The following TSEN2 variants were observed in gnomAD, a reference collection of about 807,000 sequenced individuals.
TSEN2 encodes the protein tRNA splicing endonuclease subunit 2.
A neutral mutation model predicts 59.2 loss-of-function variants in TSEN2; 54 were observed. The observed-to-expected ratio is 0.91, with a 90% CI of 0.73 to 1.14. The LOEUF (loss-of-function observed/expected upper bound fraction) is 1.14, where lower values mean the gene tolerates loss of function less well. Ranked by LOEUF, TSEN2 falls within the 50% of genes most tolerant of loss-of-function variation. The probability of loss-of-function intolerance (pLI) is 0.00; values close to 1 mark genes in which losing one functional copy is unlikely to be tolerated. For missense variants in TSEN2, 636 were observed against 576.2 expected, an observed-to-expected ratio of 1.10 and a Z score of -1.06; for synonymous variants, 195 against 198.2, an observed-to-expected ratio of 0.98 and a Z score of 0.14.
Position 12,503,471 on chromosome 3 carries a change from T to C in TSEN2, c.518T>C (p.Val173Ala), listed in dbSNP as rs779375188. 1.9e-6 allele frequency: 3 copies of C among 1,614,144 alleles called. No individual in the cohort carries two copies. The Middle Eastern group carries it at 4.9e-4, about 266-fold the overall frequency. The part of the protein sequence containing the change: ...GTAGGERPSV[V>A]NGDSGKSGGV... Reference sequence around the variant, plus strand: ...GCAGGGGGAGAGAGACCTTCTGTGGTAAACGGGGACTCTGGAAAGTCAGGT... The same window carrying C: ...GCAGGGGGAGAGAGACCTTCTGTGGCAAACGGGGACTCTGGAAAGTCAGGT... Residue 173 changes from valine to alanine, a missense_variant, in exon 5 of 12, where the codon GTA (valine) becomes GCA (alanine). Transcript: ENST00000284995.
At chr3:12,534,425 G>A (rs2057621267), downstream of TSEN2, among the ~76,000 whole-genome samples, 1 of 152,132 alleles carries the variant, frequency 6.6e-6, no homozygotes, top group Non-Finnish European at 1.5e-5. Context: ...TCCCTGTGGT[G>A]GTGTGCCTTG....
intron 3 of TSEN2, 108 bp from the exon 4 acceptor site, chr3:12,496,410 A>T: frequency 8.4e-7 from 1 of 1,186,764 alleles, no homozygotes; most frequent in Non-Finnish European, 1.3e-6. Context: ...TAAACTTTCT[A>T]GGTGTGTGAT....
At chr3:12,509,203 TG>T (rs2055165105) in intron 6 of TSEN2, among the ~76,000 whole-genome samples, 1 of 113,778 alleles carries the variant, frequency 8.8e-6, no homozygotes, top group South Asian at 2.2e-4. Context: ...TTTTTTTTGT[TG>T]TTGTTTTTTT....
At chr3:12,516,542 T>C (rs2056139302) in intron 6 of TSEN2, 69 bp from the exon 7 acceptor site, 1 of 1,481,324 alleles carries the variant, frequency 6.8e-7, no homozygotes, top group African/African-American at 1.4e-5. Flanking sequence ...AAGAGATCAG[T>C]CTGTAAAATG....
intron 8 of TSEN2, among the ~76,000 whole-genome samples, chr3:12,524,003 A>C (rs2056881279): frequency 6.6e-6 from 1 of 152,256 alleles, no homozygotes; most frequent in African/African-American, 2.4e-5. Context: ...ATACCATGTA[A>C]TGCCTGAGAA....
At chr3:12,513,092 T>C (rs2055661056) in intron 6 of TSEN2, among the ~76,000 whole-genome samples, 1 of 152,244 alleles carries the variant, frequency 6.6e-6, no homozygotes. Flanking sequence ...ATCCCCTCCA[T>C]CTGTAGTAAG....
At chr3:12,527,201 A>G (rs1181866108) in intron 8 of TSEN2, among the ~76,000 whole-genome samples, 1 of 152,246 alleles carries the variant, frequency 6.6e-6, no homozygotes, top group African/African-American at 2.4e-5. Context: ...TACTTTAAAT[A>G]CAACTTAAAT....
At chr3:12,505,777 C>G (rs1431230597) in intron 6 of TSEN2, among the ~76,000 whole-genome samples, 15 of 112,874 alleles carry the variant, frequency 1.3e-4, no homozygotes, top group African/African-American at 6.0e-4. Context: ...GAATGAAACT[C>G]TGTCTCAAAA....
downstream of TSEN2, among the ~76,000 whole-genome samples, chr3:12,537,939 G>A (rs143949778): frequency 8.4e-3 from 1,284 of 152,270 alleles, 11 homozygotes; most frequent in Non-Finnish European, 0.012. Context: ...AGTATAAAAT[G>A]TGAAGAAATG....
chr3:12,527,850 C>T (rs916660804), intron 8 of TSEN2, among the ~76,000 whole-genome samples: 3 of 152,128 alleles, frequency 2.0e-5, no homozygotes, highest in Non-Finnish European at 1.5e-5. Flanking sequence ...TGTGGTCTGG[C>T]CATGCACCTG....
In TSEN2 at chr3:12,532,851, T is replaced by A; in HGVS notation, c.*130T>A. 1 of 842,650 alleles carries A rather than the reference T, an allele frequency of 1.2e-6. No homozygotes were observed. The highest frequency in any genetic ancestry group is 1.9e-6 in the Non-Finnish European group (1 of 512,828). 52.2% of individuals were successfully genotyped at this position (842,650 alleles called of 1,614,324 possible). A position where few individuals can be genotyped will look rare whatever the true frequency, so the allele number is the denominator to read the frequency against. On this transcript the variant is annotated 3_prime_UTR_variant, in exon 12 of 12. Transcript: ENST00000284995. ...CATGGTGCTCCCAGCACCAGAAAACTATCAGTGTTTTTAAAGATAAATTAC... is the reference window on the plus strand; with the variant it reads ...CATGGTGCTCCCAGCACCAGAAAACAATCAGTGTTTTTAAAGATAAATTAC...
intron 4 of TSEN2, among the ~76,000 whole-genome samples, chr3:12,499,292 G>A (rs957505317): frequency 9.2e-5 from 14 of 152,150 alleles, no homozygotes; most frequent in Admixed American, 9.2e-4. Flanking sequence ...TGCCCACCCC[G>A]TTGTCCTTTA....
intron 8 of TSEN2, 33 bp from the exon 9 acceptor site, chr3:12,528,855 G>A: frequency 6.2e-7 from 1 of 1,612,796 alleles, no homozygotes; most frequent in Admixed American, 1.7e-5. Context: ...ATTTTGAGTG[G>A]TTATACTTCT....
At chr3:12,508,442 T>C (rs2055069026) in intron 6 of TSEN2, among the ~76,000 whole-genome samples, 1 of 152,198 alleles carries the variant, frequency 6.6e-6, no homozygotes, top group African/African-American at 2.4e-5. Flanking sequence ...ATGAATCACC[T>C]ATGTTTGGTG....
chr3:12,524,119 G>A (rs1394612089), intron 8 of TSEN2, among the ~76,000 whole-genome samples: 3 of 152,012 alleles, frequency 2.0e-5, no homozygotes, highest in Admixed American at 6.6e-5. Flanking sequence ...TTTTTATAGA[G>A]ATGGGGTCTT....
At position 12,492,194 on chromosome 3, in the gene TSEN2, C is replaced by G. The variant is rs761422744; in HGVS notation, c.248C>G (p.Pro83Arg). 20 of 1,613,884 alleles carry G rather than the reference C, an allele frequency of 1.2e-5. No homozygotes were observed. The highest frequency in any genetic ancestry group is 2.7e-5 in the African/African-American group (2 of 74,924). ...CGTCCAAGCTTCACAATTTCAGATC[C>G]TAAACTGGTTGCTAAATGGAAAGGT... ...RSRPSFTISDPKLVAKWKDMK... is the reference protein window; with the variant it reads ...RSRPSFTISDRKLVAKWKDMK... Residue 83 changes from proline to arginine, a missense_variant, in exon 3 of 12, where the codon CCT becomes CGT. By Grantham distance (103) the Pro-to-Arg change is moderately radical. Transcript: ENST00000284995.
intron 1 of TSEN2, among the ~76,000 whole-genome samples, chr3:12,486,718 C>T (rs1312008427): frequency 6.6e-6 from 1 of 152,190 alleles, no homozygotes; most frequent in Non-Finnish European, 1.5e-5. Context: ...AGTCGCCCCC[C>T]CATTTCCCAC....
chr3:12,488,430 G>A (rs1453056858), intron 1 of TSEN2, among the ~76,000 whole-genome samples: 1 of 152,198 alleles, frequency 6.6e-6, no homozygotes, highest in Non-Finnish European at 1.5e-5. Flanking sequence ...CAGGACAGCT[G>A]CTCCTCGAGT....
chr3:12,519,346 T>G, intron 8 of TSEN2, 149 bp downstream of exon 8: 1 of 1,231,556 alleles, frequency 8.1e-7, no homozygotes, highest in African/African-American at 1.5e-5. Flanking sequence ...TTGGATTGGG[T>G]TAAGGGTAAG....
Sources: allele counts gnomAD v4.1 joint callset (sites outside exome capture counted in the v4.1 genomes callset), GRCh38; gene constraint gnomAD v4.1.1; transcripts MANE v1.5; gene names NCBI Gene and HGNC (gene_info 2026-07-23, HGNC 2026-07-21).